The following PDS5B variants were observed in gnomAD, a reference collection of about 807,000 sequenced individuals.
PDS5B encodes PDS5 cohesin associated factor B.
Under a neutral mutation model 184.1 loss-of-function variants are expected in PDS5B, and 51 were observed. The ratio of observed to expected loss-of-function variants is 0.28; its 90% confidence interval spans 0.22 to 0.35. PDS5B has a LOEUF of 0.35. PDS5B is among the 10% of genes least tolerant of loss of function. The pLI is 1.00. For synonymous variants in PDS5B, 566 were observed against 569.2 expected (o/e 0.99, Z 0.08); for missense variants, 1,180 against 1,723.3 (o/e 0.68, Z 5.58).
chr13:32,604,150 T>G (rs912958166), intron 1 of PDS5B, among the ~76,000 whole-genome samples: 28 of 152,224 alleles, frequency 1.8e-4, no homozygotes, highest in African/African-American at 6.3e-4. Context: ...CCCTGTCTTG[T>G]GCCAGTTTTC....
intron 9 of PDS5B, among the ~76,000 whole-genome samples, chr13:32,676,928 T>C (rs1229140102): frequency 3.0e-5 from 2 of 67,334 alleles, no homozygotes; most frequent in Non-Finnish European, 5.5e-5. Flanking sequence ...GAGACTCTTG[T>C]CTCCAAAAAA....
intron 13 of PDS5B, 25 bp from the exon 14 acceptor site, chr13:32,694,198 A>G: frequency 1.4e-6 from 2 of 1,458,268 alleles, no homozygotes; most frequent in Non-Finnish European, 1.9e-6. Context: ...TTTGTTATTT[A>G]AATGTGTATG....
intron 23 of PDS5B, among the ~76,000 whole-genome samples, chr13:32,742,928 T>C (rs1455362626): frequency 1.3e-5 from 2 of 151,634 alleles, no homozygotes; most frequent in East Asian, 3.9e-4. Flanking sequence ...GGTACTGTTA[T>C]ACATTGTAAA....
At chr13:32,761,441 A>G (rs946145184) in intron 30 of PDS5B, among the ~76,000 whole-genome samples, 4 of 152,042 alleles carry the variant, frequency 2.6e-5, no homozygotes, top group East Asian at 1.9e-4. Context: ...ATAGTACCCA[A>G]TAGGTCGTTT....
rs769356107 is a variant in PDS5B, at chr13:32,648,899, T to C, written c.108+19T>C. 2.4e-5 allele frequency: 26 copies of C among 1,062,558 alleles called. No homozygotes were observed. The highest frequency in any genetic ancestry group is 3.8e-5 in the Non-Finnish European group (26 of 676,704). 65.8% of individuals were successfully genotyped at this position (1,062,558 alleles called of 1,614,324 possible). Reference sequence around the variant, plus strand: ...ATTAAAGGTGAGTAAAATTCTATTCTTTTTTACATCTGTGTAGGGCAGAGG... The same window carrying C: ...ATTAAAGGTGAGTAAAATTCTATTCCTTTTTACATCTGTGTAGGGCAGAGG... On this transcript the variant is annotated intron_variant, in intron 2 of 34. Coordinates refer to ENST00000315596, the MANE Select transcript of PDS5B (RefSeq NM_015032.4).
At chr13:32,658,074 T>TA (rs1382276380) in intron 3 of PDS5B, among the ~76,000 whole-genome samples, 165 bp from the exon 4 acceptor site, 1 of 152,202 alleles carries the variant, frequency 6.6e-6, no homozygotes, top group Non-Finnish European at 1.5e-5. Context: ...GTTGTTCATA[T>TA]AAAGGTGTAC....
intron 2 of PDS5B, among the ~76,000 whole-genome samples, chr13:32,650,904 C>T (rs1198288592): frequency 6.6e-6 from 1 of 152,216 alleles, no homozygotes; most frequent in Non-Finnish European, 1.5e-5. Context: ...TGGCCAGCCC[C>T]ACTTGTTGCC....
intron 19 of PDS5B, among the ~76,000 whole-genome samples, chr13:32,719,840 G>A (rs1384019608): frequency 6.8e-6 from 1 of 147,972 alleles, no homozygotes; most frequent in Non-Finnish European, 1.5e-5. Flanking sequence ...CCAGGCTGTA[G>A]TGTAGTGGCT....
intron 19 of PDS5B, among the ~76,000 whole-genome samples, chr13:32,727,945 A>G (rs1167415928): frequency 6.6e-6 from 1 of 151,656 alleles, no homozygotes; most frequent in Non-Finnish European, 1.5e-5. Flanking sequence ...ATACTGTCTT[A>G]TAGATCACAG....
At chr13:32,700,675 CTTTT>C (rs1348038354) in intron 16 of PDS5B, among the ~76,000 whole-genome samples, 1 of 151,996 alleles carries the variant, frequency 6.6e-6, no homozygotes, top group African/African-American at 2.4e-5. Flanking sequence ...TTTACCCTTT[CTTTT>C]TGTTTATTAT....
intron 31 of PDS5B, among the ~76,000 whole-genome samples, chr13:32,766,874 T>TCA (rs1197835219): frequency 6.6e-6 from 1 of 152,138 alleles, no homozygotes; most frequent in Non-Finnish European, 1.5e-5. Context: ...TTAAAGGAAA[T>TCA]CATCTACCTT....
chr13:32,710,253 T>C (rs939057169), intron 19 of PDS5B, 147 bp downstream of exon 19: 1 of 508,626 alleles, frequency 2.0e-6, no homozygotes, highest in Non-Finnish European at 3.2e-6. Flanking sequence ...GATTCTCCTT[T>C]CCTGGGAGAA....
chr13:32,729,967 T>C (rs1259967903), intron 19 of PDS5B, among the ~76,000 whole-genome samples: 1 of 152,244 alleles, frequency 6.6e-6, no homozygotes, highest in Non-Finnish European at 1.5e-5. Context: ...CATTTGTCAA[T>C]TTTGGCTTTT....
chr13:32,725,194 A>G (rs1175291113), intron 19 of PDS5B, among the ~76,000 whole-genome samples: 5 of 152,142 alleles, frequency 3.3e-5, no homozygotes, highest in Non-Finnish European at 7.4e-5. Flanking sequence ...GATTTTTTGA[A>G]TGTTATTTAG....
At chr13:32,729,442 A>T (rs1484492883) in intron 19 of PDS5B, among the ~76,000 whole-genome samples, 3 of 152,154 alleles carry the variant, frequency 2.0e-5, no homozygotes, top group Admixed American at 2.0e-4. Context: ...AATGATTTAT[A>T]ATCCTTTGGG....
chr13:32,736,868 G>T (rs7319930), intron 21 of PDS5B, among the ~76,000 whole-genome samples: 6,968 of 151,674 alleles, frequency 0.046, 466 homozygotes, highest in African/African-American at 0.15. Context: ...GAGTTCACTC[G>T]CTTCAGTTTT....
At chr13:32,703,055 G>T (rs1314656412) in intron 17 of PDS5B, among the ~76,000 whole-genome samples, 1 of 152,160 alleles carries the variant, frequency 6.6e-6, no homozygotes, top group Admixed American at 6.5e-5. Flanking sequence ...TCCAAATGAT[G>T]TGGAGAATAG....
chr13:32,763,818 A>C (rs1482088983), intron 30 of PDS5B, among the ~76,000 whole-genome samples: 7 of 152,170 alleles, frequency 4.6e-5, no homozygotes, highest in Non-Finnish European at 7.4e-5. Flanking sequence ...TTAGAATTTC[A>C]AGTGAAGTGT....
At position 32,775,358 on chromosome 13, in the gene PDS5B, G is replaced by T; in HGVS notation, c.*306G>T. 1 of 357,932 alleles carries T rather than the reference G, an allele frequency of 2.8e-6. No homozygotes were observed. Among genetic ancestry groups the T allele is most frequent in the Non-Finnish European group, 5.2e-6 (1 of 194,006 alleles). The allele number at this position is 357,932 out of a possible 1,614,324, so 22.2% of individuals were successfully genotyped here. On this transcript the variant is annotated 3_prime_UTR_variant, in exon 35 of 35. Coordinates refer to ENST00000315596, the MANE Select transcript of PDS5B (RefSeq NM_015032.4). ...TTCTGATTTCTGAAGTGCTTGTATAGCTTTTATCTGCGGCTTTAAACTGAC... is the reference window on the plus strand; with the variant it reads ...TTCTGATTTCTGAAGTGCTTGTATATCTTTTATCTGCGGCTTTAAACTGAC...
Sources: allele counts gnomAD v4.1 joint callset (sites outside exome capture counted in the v4.1 genomes callset), GRCh38; gene constraint gnomAD v4.1.1; transcripts MANE v1.5; gene names NCBI Gene and HGNC (gene_info 2026-07-23, HGNC 2026-07-21).